SUMF1: variants seen among roughly 807,000 people sequenced by gnomAD.
SUMF1 encodes the protein formylglycine-generating enzyme.
In SUMF1, 48 loss-of-function variants were observed where a neutral mutation model predicts 47.6. The ratio of observed to expected loss-of-function variants is 1.01; its 90% CI spans 0.80 to 1.28. SUMF1 has a LOEUF of 1.28. SUMF1 is among the 50% of genes most tolerant of loss of function. SUMF1 has a pLI of 0.00. For missense variants in SUMF1, 571 were observed against 485.4 expected (o/e 1.18, Z -1.66); for synonymous variants, 230 against 192.1 (o/e 1.20, Z -1.63).
At chr3:4,407,508 C>T (rs1311225914) in intron 7 of SUMF1, among the ~76,000 whole-genome samples, 1 of 152,146 alleles carries the variant, frequency 6.6e-6, no homozygotes, top group Non-Finnish European at 1.5e-5. Flanking sequence ...GCTTATGGAA[C>T]ACATGGAGTC....
chr3:4,036,682 C>T (rs1456052348), intron 9 of SUMF1, among the ~76,000 whole-genome samples: 1 of 151,746 alleles, frequency 6.6e-6, no homozygotes, highest in East Asian at 1.9e-4. Flanking sequence ...CACAGAGCCC[C>T]ACTGTGAGGA....
At chr3:4,156,162 C>T (rs1694447676) in intron 8 of SUMF1, among the ~76,000 whole-genome samples, 1 of 151,520 alleles carries the variant, frequency 6.6e-6, no homozygotes. Context: ...AGGGTTCCTG[C>T]AGAACAGAAG....
intron 3 of SUMF1, among the ~76,000 whole-genome samples, chr3:4,425,456 T>C (rs1233782721): frequency 6.6e-6 from 1 of 152,200 alleles, no homozygotes; most frequent in Non-Finnish European, 1.5e-5. Context: ...TCAGAGAACA[T>C]ATATTCTAAT....
At chr3:4,159,533 G>T (rs114854124) in intron 8 of SUMF1, among the ~76,000 whole-genome samples, 1,834 of 147,646 alleles carry the variant, frequency 0.012, 45 homozygotes, top group African/African-American at 0.043. Context: ...GTTTTTTTTT[G>T]ATCAGTTCAT....
chr3:4,081,441 A>C (rs2125045357), intron 8 of SUMF1, among the ~76,000 whole-genome samples: 1 of 152,212 alleles, frequency 6.6e-6, no homozygotes, highest in South Asian at 2.1e-4. Flanking sequence ...TATCTAATTG[A>C]GTTGAATTCA....
At chr3:4,103,768 C>T (rs1559473093) in intron 8 of SUMF1, among the ~76,000 whole-genome samples, 1 of 152,094 alleles carries the variant, frequency 6.6e-6, no homozygotes, top group East Asian at 1.9e-4. Flanking sequence ...ATTACGTCCT[C>T]TCTACAGATA....
intron 8 of SUMF1, among the ~76,000 whole-genome samples, chr3:4,116,358 G>A (rs1035235560): frequency 2.0e-5 from 3 of 152,072 alleles, no homozygotes; most frequent in African/African-American, 4.8e-5. Context: ...TCTTTATTGC[G>A]CAGAATAAGC....
At chr3:4,162,236 G>A (rs1489576738) in intron 8 of SUMF1, among the ~76,000 whole-genome samples, 1 of 152,160 alleles carries the variant, frequency 6.6e-6, no homozygotes, top group Non-Finnish European at 1.5e-5. Context: ...GTGGAAGAAA[G>A]GAGTTTCTTT....
At chr3:4,288,454 C>G (rs970380873) in intron 8 of SUMF1, among the ~76,000 whole-genome samples, 4 of 151,930 alleles carry the variant, frequency 2.6e-5, no homozygotes, top group African/African-American at 9.7e-5. Context: ...CCTGAAACAG[C>G]TCTTCCCGTT....
intron 8 of SUMF1, among the ~76,000 whole-genome samples, chr3:4,097,427 C>T (rs1692930982): frequency 6.6e-6 from 1 of 151,956 alleles, no homozygotes; most frequent in African/African-American, 2.4e-5. Context: ...GGGGCAGGTG[C>T]CTGTAATCCC....
chr3:4,295,993 G>A (rs776074775), intron 8 of SUMF1, among the ~76,000 whole-genome samples: 4 of 152,006 alleles, frequency 2.6e-5, no homozygotes, highest in Non-Finnish European at 5.9e-5. Context: ...ACACAAAAAT[G>A]TAAACTGCTG....
chr3:4,316,375 A>C, intron 8 of SUMF1: 1 of 1,552,050 alleles, frequency 6.4e-7, no homozygotes, highest in Non-Finnish European at 8.7e-7. Flanking sequence ...AAGTTTTGCA[A>C]AGGAGATGAG....
intron 8 of SUMF1, among the ~76,000 whole-genome samples, chr3:4,265,461 A>C (rs1697173204): frequency 6.6e-6 from 1 of 152,190 alleles, no homozygotes; most frequent in Non-Finnish European, 1.5e-5. Context: ...ATAGCTTACA[A>C]AACACTTTTT....
intron 8 of SUMF1, among the ~76,000 whole-genome samples, chr3:4,215,604 G>C (rs527678017): frequency 6.6e-6 from 1 of 152,140 alleles, no homozygotes; most frequent in Non-Finnish European, 1.5e-5. Flanking sequence ...AAGTCAAATC[G>C]TCTCTGTTTG....
rs1049838142 is a variant in SUMF1, at chr3:4,060,142, G to A, written c.1191+8427C>T. Among the ~76,000 whole-genome samples the A allele has an allele frequency of 4.6e-5, 7 of 152,282 alleles. No individual in the cohort carries two copies. The East Asian group carries it at 1.3e-3, about 29-fold the overall frequency. ...AATCAGATTTACGTTTTGAAAAATC[G>A]CTCTAGCTGCCCAGTGGTAAATAAA... On this transcript the variant is annotated intron_variant and NMD_transcript_variant, in intron 9 of 12. Coordinates refer to the SUMF1 transcript ENST00000448413.
At chr3:4,136,668 A>G (rs949421385) in intron 8 of SUMF1, among the ~76,000 whole-genome samples, 3 of 150,598 alleles carry the variant, frequency 2.0e-5, no homozygotes, top group African/African-American at 4.9e-5. Flanking sequence ...AGAAACTACC[A>G]TCAGAGTGAA....
chr3:4,210,177 G>A (rs1454179286), intron 8 of SUMF1, among the ~76,000 whole-genome samples: 3 of 152,174 alleles, frequency 2.0e-5, no homozygotes, highest in Non-Finnish European at 2.9e-5. Context: ...TTACAGGTGT[G>A]AGCCACTGTG....
chr3:4,374,376 G>A (rs556251850), intron 8 of SUMF1, among the ~76,000 whole-genome samples: 2 of 152,314 alleles, frequency 1.3e-5, no homozygotes, highest in African/African-American at 4.8e-5. Context: ...CCATGTAAGT[G>A]TACTTAATAA....
chr3:4,434,230 G>A (rs766104073), intron 3 of SUMF1, among the ~76,000 whole-genome samples: 3 of 152,184 alleles, frequency 2.0e-5, no homozygotes, highest in Non-Finnish European at 4.4e-5. Flanking sequence ...TGTACTTAGT[G>A]CCACTGAATT....
Sources: gnomAD v4.1 joint callset for allele counts (sites outside exome capture counted in the v4.1 genomes callset) on GRCh38, gnomAD v4.1.1 for gene constraint, MANE v1.5 for transcripts, NCBI Gene and HGNC (gene_info 2026-07-23, HGNC 2026-07-21) for gene names.